Variants in NCAPD2 observed in about 807,000 individuals in gnomAD.
The protein encoded by NCAPD2 is non-SMC condensin I complex subunit D2.
Under a neutral mutation model 164.5 loss-of-function variants are expected in NCAPD2, and 100 were observed. That is an observed-to-expected ratio of 0.61 (90% CI 0.52 to 0.72). The LOEUF (loss-of-function observed/expected upper bound fraction) is 0.72, where lower values mean the gene tolerates loss of function less well. NCAPD2 is among the 30% of genes least tolerant of loss of function. The pLI, the probability that NCAPD2 is intolerant of heterozygous loss-of-function variation, is 0.00. For missense variants in NCAPD2, 1,560 were observed against 1,749.2 expected, an observed-to-expected ratio of 0.89 and a Z score of 1.93; for synonymous variants, 585 against 642.6, an observed-to-expected ratio of 0.91 and a Z score of 1.36.
chr12:6,504,226 T>TATAG (rs1946077007), intron 2 of NCAPD2, among the ~76,000 whole-genome samples: 2 of 65,142 alleles, frequency 3.1e-5, no homozygotes, highest in South Asian at 1.1e-3. Context: ...TAGATATAGA[T>TATAG]ATATATATAT....
rs926957255 is a variant in NCAPD2 at position 6,531,809 on chromosome 12, T to TA, written c.*407dup. ...ACAATAGCGAACCTCCATCTCAAATTAAAAAAAAAATGCCTACACGCTCTT... is the reference window on the plus strand; with the variant it reads ...ACAATAGCGAACCTCCATCTCAAATTAAAAAAAAAAATGCCTACACGCTCTT... On this transcript the variant is annotated 3_prime_UTR_variant, in exon 32 of 32. Coordinates refer to ENST00000315579, the MANE Select transcript of NCAPD2 (RefSeq NM_014865.4). This position sits in a 1 kb window ranked among gnomAD's most constrained non-coding sequence, Gnocchi z 4.1. The TA allele has an allele frequency of 2.6e-3, 556 of 217,348 alleles. 1 individual carries two copies. Among genetic ancestry groups the TA allele is most frequent in the African/African-American group, 6.3e-3 (262 of 41,794 alleles). The allele number at this position is 217,348 out of a possible 1,614,324, so 13.5% of individuals were successfully genotyped here.
At position 6,520,255 on chromosome 12, in the gene NCAPD2, TGA is replaced by T. The variant is rs1301888023; in HGVS notation, c.1590-721_1590-720del. ...ATAGTTTCCCACTCTCCTCTTTTTT[TGA>T]GAGAGAGAGTGTCTCACTCTTTTGC... On this transcript the variant is annotated intron_variant, in intron 13 of 31. Transcript: ENST00000315579. 6.6e-4 allele frequency among the ~76,000 whole-genome samples: 100 copies of T among 151,964 alleles called. 1 individual carries two copies. The highest frequency in any genetic ancestry group is 2.3e-3 in the African/African-American group (97 of 41,472).
chr12:6,518,514 T>G (rs1057449263), intron 13 of NCAPD2, among the ~76,000 whole-genome samples: 21 of 107,094 alleles, frequency 2.0e-4, no homozygotes, highest in East Asian at 1.5e-3. Flanking sequence ...GTTTTTTTTT[T>G]TTTTTTTTTT....
intron 29 of NCAPD2, among the ~76,000 whole-genome samples, chr12:6,530,364 C>T (rs1333791297): frequency 1.3e-5 from 2 of 152,172 alleles, no homozygotes; most frequent in Non-Finnish European, 2.9e-5. Flanking sequence ...CACATCATCT[C>T]CTAAAGTCAT....
chr12:6,522,463 G>A (rs1946273047), intron 15 of NCAPD2, among the ~76,000 whole-genome samples: 1 of 152,034 alleles, frequency 6.6e-6, no homozygotes. Context: ...GCACGCACCT[G>A]TAGTTCCAGC....
chr12:6,522,774 G>T, intron 15 of NCAPD2, 54 bp from the exon 16 acceptor site: 1 of 1,590,322 alleles, frequency 6.3e-7, no homozygotes, highest in Middle Eastern at 1.7e-4. Context: ...CTGTCGTTAG[G>T]TATTGGGGGA....
At chr12:6,510,336 C>T (rs911744600) in intron 4 of NCAPD2, 2 of 788,790 alleles carry the variant, frequency 2.5e-6, no homozygotes, top group Admixed American at 3.4e-5. Flanking sequence ...TGTGTGTTCA[C>T]TGTAAGGGCA....
In NCAPD2 at chr12:6,514,274, T is replaced by G; in HGVS notation, c.597T>G (p.Thr199=). The G allele has an allele frequency of 6.2e-7, 1 of 1,614,214 alleles. No individual in the cohort carries two copies. The highest frequency in any genetic ancestry group is 8.5e-7 in the Non-Finnish European group (1 of 1,180,032). ...ACTCTTCCTTTCTCAGTTTGGTTAC[T>G]GGCTGTTGCTACCGCCTTCTGGAGA... ...IIEEEFVSLV[T]GCCYRLLENP... is the part of the protein sequence containing the mutation. Residue 199 remains threonine, a synonymous_variant, in exon 7 of 32, where the codon ACT becomes ACG. Transcript: ENST00000315579.
chr12:6,500,751 C>T (rs1043486920), intron 2 of NCAPD2, among the ~76,000 whole-genome samples: 1 of 152,190 alleles, frequency 6.6e-6, no homozygotes, highest in African/African-American at 2.4e-5. Context: ...AAAACTTGAA[C>T]TTCAGTGTGA....
chr12:6,524,815 T>C (rs1432739192), intron 17 of NCAPD2, among the ~76,000 whole-genome samples: 3 of 152,184 alleles, frequency 2.0e-5, no homozygotes, highest in Admixed American at 1.3e-4. Context: ...GCATTTGCAT[T>C]GCGGGCACAG....
chr12:6,510,863 T>C (rs1390966909), intron 5 of NCAPD2, 53 bp downstream of exon 5: 9 of 1,563,998 alleles, frequency 5.8e-6, no homozygotes, highest in African/African-American at 1.4e-5. Flanking sequence ...GATAGGGGAA[T>C]AGATGGAAAA....
intron 10 of NCAPD2, 76 bp downstream of exon 10, chr12:6,517,101 A>G (rs1206060137): frequency 1.3e-6 from 2 of 1,510,076 alleles, no homozygotes; most frequent in East Asian, 4.5e-5. Context: ...AGTGTTGAAG[A>G]TAAATATCTG....
At chr12:6,526,780 C>A in intron 21 of NCAPD2, 111 bp from the exon 22 acceptor site, 1 of 1,434,268 alleles carries the variant, frequency 7.0e-7, no homozygotes, top group Non-Finnish European at 9.5e-7. Context: ...CTTACTACTT[C>A]ACTAGTTTGA....
intron 2 of NCAPD2, among the ~76,000 whole-genome samples, chr12:6,503,822 T>C (rs1946063019): frequency 6.9e-6 from 1 of 145,368 alleles, no homozygotes; most frequent in South Asian, 2.2e-4. Context: ...TACTAAAAAA[T>C]AGAAAAATTA....
chr12:6,511,570 C>T (rs1373277167), intron 6 of NCAPD2, among the ~76,000 whole-genome samples: 3 of 151,864 alleles, frequency 2.0e-5, no homozygotes, highest in Admixed American at 6.6e-5. Context: ...CTCAGGTGAT[C>T]TCCCTGCTTT....
chr12:6,506,325 AC>A (rs1429259567), intron 2 of NCAPD2, among the ~76,000 whole-genome samples: 15 of 152,114 alleles, frequency 9.9e-5, no homozygotes, highest in Middle Eastern at 3.4e-3. Context: ...CGGTGGCTCA[AC>A]CCCTGTAATC....
rs758383023 is a variant in NCAPD2, at chr12:6,528,531, C to T, written c.3300-148C>T. ...GGTTAGAAGCTTCACCTCTTTCCCC[C>T]ACTCCAGCTTTCAACTCTAGACAGC... On this transcript the variant is annotated intron_variant, in intron 25 of 31. Transcript: ENST00000315579. This position sits in a 1 kb window ranked among gnomAD's most constrained non-coding sequence, Gnocchi z 5.1. The T allele has an allele frequency of 2.6e-6, 3 of 1,157,300 alleles. No homozygotes were observed. Among genetic ancestry groups the T allele is most frequent in the South Asian group, 2.9e-5 (2 of 68,102 alleles). The allele number at this position is 1,157,300 out of a possible 1,614,324, so 71.7% of individuals were successfully genotyped here. A position where few individuals can be genotyped will look rare whatever the true frequency, so the allele number is the denominator to read the frequency against.
At chr12:6,514,181 T>TA in intron 6 of NCAPD2, 84 bp from the exon 7 acceptor site, 1 of 1,564,976 alleles carries the variant, frequency 6.4e-7, no homozygotes, top group East Asian at 2.2e-5. Flanking sequence ...TTGGGAGCAG[T>TA]AGGGATAGAA....
chr12:6,526,323 C>A lies in NCAPD2; in HGVS notation c.2518C>A (p.Pro840Thr), dbSNP rs957172228. ...LGKRHPPFRL[P>T]QEHRLFERLR... is the part of the protein sequence containing the mutation. Reference sequence around the variant, plus strand: ...CAAACGTCACCCCCCCTTCCGGCTGCCTCAGGAACACAGGTTGTTTGAGCG... The same window carrying A: ...CAAACGTCACCCCCCCTTCCGGCTGACTCAGGAACACAGGTTGTTTGAGCG... The change falls in exon 20 of 32, where the codon CCT becomes ACT. Residue 840 changes from proline (P) to threonine (T), a missense_variant. Physicochemically the swap from Pro to Thr is conservative, Grantham distance 38. Coordinates refer to ENST00000315579, the MANE Select transcript of NCAPD2 (RefSeq NM_014865.4). 17 of 1,614,174 alleles carry A rather than the reference C, an allele frequency of 1.1e-5. No individual in the cohort carries two copies. The highest frequency in any genetic ancestry group is 1.6e-4 in the Middle Eastern group (1 of 6,062).
Sources: gnomAD v4.1 joint callset for allele counts (sites outside exome capture counted in the v4.1 genomes callset) on GRCh38, gnomAD v4.1.1 for gene constraint, Gnocchi (gnomAD v3.1) non-coding constraint, MANE v1.5 for transcripts, NCBI Gene and HGNC (gene_info 2026-07-23, HGNC 2026-07-21) for gene names.